Variants in SNX13 observed in about 807,000 individuals in gnomAD.
The protein encoded by SNX13 is sorting nexin-13.
SNX13 carries 45 observed loss-of-function variants against 133.6 expected under a neutral mutation model. That is an observed-to-expected ratio of 0.34 (90% CI 0.27 to 0.43). The LOEUF is 0.43. Ranked by LOEUF, SNX13 falls within the 20% of genes least tolerant of loss-of-function variation. The pLI is 1.00. For missense variants in SNX13, 1,032 were observed against 1,145.1 expected (o/e 0.90, Z 1.43); for synonymous variants, 414 against 373.9 (o/e 1.11, Z -1.24).
intron 17 of SNX13, among the ~76,000 whole-genome samples, chr7:17,825,373 T>C (rs1408265620): frequency 6.6e-6 from 1 of 152,088 alleles, no homozygotes; most frequent in Non-Finnish European, 1.5e-5. Flanking sequence ...TACCTCAGTA[T>C]GTTTATACTT....
chr7:17,852,277 G>A (rs1791312103), intron 9 of SNX13, among the ~76,000 whole-genome samples: 2 of 152,138 alleles, frequency 1.3e-5, no homozygotes, highest in African/African-American at 4.8e-5. Flanking sequence ...GGAAGGTAAG[G>A]CGAGATAATC....
At chr7:17,834,648 T>C (rs4721660) in intron 14 of SNX13, 113 bp downstream of exon 14, 532,607 of 579,692 alleles carry the variant, frequency 0.92, 245,249 homozygotes, top group African/African-American at 0.98. Context: ...ATTGCCATAG[T>C]TTATCTTTTT....
chr7:17,906,366 A>G (rs752854008), intron 1 of SNX13, among the ~76,000 whole-genome samples: 35 of 152,208 alleles, frequency 2.3e-4, no homozygotes, highest in Non-Finnish European at 4.3e-4. Flanking sequence ...ACATTAGTAT[A>G]AGGAAATAAT....
At chr7:17,817,379 T>C (rs537807502) in intron 18 of SNX13, among the ~76,000 whole-genome samples, 1 of 152,332 alleles carries the variant, frequency 6.6e-6, no homozygotes, top group African/African-American at 2.4e-5. Context: ...ATACATATCC[T>C]AAAGCGAAAC....
chr7:17,902,639 A>G (rs1207087441), intron 1 of SNX13, among the ~76,000 whole-genome samples: 2 of 152,328 alleles, frequency 1.3e-5, no homozygotes, highest in African/African-American at 4.8e-5. Flanking sequence ...CCTTTCACAA[A>G]TTCAAACAAG....
chr7:17,873,667 ACTT>A, intron 7 of SNX13, 51 bp from the exon 8 acceptor site: 1 of 1,139,244 alleles, frequency 8.8e-7, no homozygotes, highest in Non-Finnish European at 1.2e-6. Context: ...TAAAGTCTAC[ACTT>A]CCTCTTGATA....
At chr7:17,873,640 C>A in intron 7 of SNX13, 24 bp from the exon 8 acceptor site, 1 of 1,406,082 alleles carries the variant, frequency 7.1e-7, no homozygotes, top group African/African-American at 1.5e-5. Context: ...AAGTAGCTAT[C>A]ATAACATTAG....
intron 9 of SNX13, among the ~76,000 whole-genome samples, chr7:17,864,453 G>A (rs749949997): frequency 1.3e-5 from 2 of 151,982 alleles, no homozygotes; most frequent in African/African-American, 2.4e-5. Context: ...CAGGCTATAC[G>A]AAAACACATA....
intron 1 of SNX13, among the ~76,000 whole-genome samples, chr7:17,926,247 T>G (rs1800744739): frequency 6.6e-6 from 1 of 152,144 alleles, no homozygotes; most frequent in Non-Finnish European, 1.5e-5. Flanking sequence ...TTTCAGGGTT[T>G]CTGTATGTTT....
intron 1 of SNX13, among the ~76,000 whole-genome samples, chr7:17,931,868 C>T (rs1215420148): frequency 1.3e-5 from 2 of 152,146 alleles, no homozygotes; most frequent in African/African-American, 4.8e-5. Flanking sequence ...TATATTATTT[C>T]TGAATATACA....
At chr7:17,893,138 T>C (rs1796818973) in intron 3 of SNX13, among the ~76,000 whole-genome samples, 194 bp downstream of exon 3, 2 of 152,308 alleles carry the variant, frequency 1.3e-5, no homozygotes, top group African/African-American at 4.8e-5. Context: ...ACTTTTTAAA[T>C]CTAACACTAA....
intron 18 of SNX13, among the ~76,000 whole-genome samples, chr7:17,820,642 T>C (rs960266805): frequency 1.3e-5 from 2 of 152,180 alleles, no homozygotes; most frequent in Non-Finnish European, 2.9e-5. Flanking sequence ...AAGATTATCA[T>C]GGTGCCAACT....
intron 20 of SNX13, among the ~76,000 whole-genome samples, chr7:17,806,874 G>A (rs1414173067): frequency 6.6e-6 from 1 of 152,230 alleles, no homozygotes; most frequent in Admixed American, 6.5e-5. Flanking sequence ...TCCTTCCCTA[G>A]CCAAGGGAAG....
intron 5 of SNX13, among the ~76,000 whole-genome samples, chr7:17,883,885 CA>C (rs1360731825): frequency 6.6e-6 from 1 of 152,160 alleles, no homozygotes; most frequent in African/African-American, 2.4e-5. Flanking sequence ...CATGTCCCTG[CA>C]AAGGACATGT....
At chr7:17,847,489 G>A (rs1030659566) in intron 11 of SNX13, among the ~76,000 whole-genome samples, 2 of 151,888 alleles carry the variant, frequency 1.3e-5, no homozygotes, top group Admixed American at 6.6e-5. Flanking sequence ...ATGCCACCAC[G>A]GTTTTTAAAA....
chr7:17,847,167 C>CT (rs1390423124), intron 11 of SNX13, among the ~76,000 whole-genome samples: 16 of 152,120 alleles, frequency 1.1e-4, no homozygotes, highest in Admixed American at 3.9e-4. Flanking sequence ...GAAACCGTAT[C>CT]TTTCTTCTAC....
chr7:17,927,516 T>G (rs1206554786), intron 1 of SNX13, among the ~76,000 whole-genome samples: 1 of 152,222 alleles, frequency 6.6e-6, no homozygotes, highest in African/African-American at 2.4e-5. Context: ...GTACTGGGAT[T>G]ACAGGCATGA....
chr7:17,861,701 G>C (rs775432705), intron 9 of SNX13, among the ~76,000 whole-genome samples: 4 of 152,156 alleles, frequency 2.6e-5, no homozygotes, highest in Non-Finnish European at 5.9e-5. Flanking sequence ...CACTTCCCAA[G>C]TGTAAGGAGG....
intron 1 of SNX13, among the ~76,000 whole-genome samples, chr7:17,926,181 T>C (rs1800734855): frequency 6.6e-6 from 1 of 152,260 alleles, no homozygotes; most frequent in South Asian, 2.1e-4. Context: ...AAAGCAAATA[T>C]GACAGTTTTA....
Sources: allele counts gnomAD v4.1 joint callset (sites outside exome capture counted in the v4.1 genomes callset), GRCh38; gene constraint gnomAD v4.1.1; transcripts MANE v1.5; gene names NCBI Gene and HGNC (gene_info 2026-07-23, HGNC 2026-07-21).